Variants in SLC6A2 observed in about 807,000 individuals in gnomAD.
SLC6A2 encodes the protein sodium-dependent noradrenaline transporter.
SLC6A2 carries 26 observed loss-of-function variants against 71.7 expected under a neutral mutation model. The ratio of observed to expected loss-of-function variants is 0.36; its 90% CI spans 0.27 to 0.50. The LOEUF is 0.50. Ranked by LOEUF, SLC6A2 falls within the 20% of genes least tolerant of loss-of-function variation. The pLI is 0.96. For synonymous variants in SLC6A2, 363 were observed against 337.9 expected, an observed-to-expected ratio of 1.07 and a Z score of -0.82; for missense variants, 581 against 803.9, an observed-to-expected ratio of 0.72 and a Z score of 3.35.
In SLC6A2 at chr16:55,705,118, T is replaced by G; in HGVS notation, c.*2772T>G. The G allele has an allele frequency of 1.0e-6, 1 of 980,990 alleles. No individual in the cohort carries two copies. The highest frequency in any genetic ancestry group is 1.6e-6 in the Non-Finnish European group (1 of 643,318). The allele number at this position is 980,990 out of a possible 1,614,324, so 60.8% of individuals were successfully genotyped here. Reference sequence around the variant, plus strand: ...TTTTTTCAGGTTTTTAAAGAATTATTATTTTTCATGAAATGTAAAATATCA... The same window carrying G: ...TTTTTTCAGGTTTTTAAAGAATTATGATTTTTCATGAAATGTAAAATATCA... On this transcript the variant is annotated 3_prime_UTR_variant, in exon 15 of 15. Coordinates refer to ENST00000568943, the MANE Select transcript of SLC6A2 (RefSeq NM_001172501.3).
At chr16:55,661,742 A>G (rs1239336166) in intron 2 of SLC6A2, among the ~76,000 whole-genome samples, 1 of 152,166 alleles carries the variant, frequency 6.6e-6, no homozygotes, top group Non-Finnish European at 1.5e-5. Flanking sequence ...TAGATTCATC[A>G]CCTGGTAAAT....
At chr16:55,677,686 A>C (rs201818609) in intron 4 of SLC6A2, among the ~76,000 whole-genome samples, 3 of 84,388 alleles carry the variant, frequency 3.6e-5, no homozygotes, top group Non-Finnish European at 5.1e-5. Flanking sequence ...TGTTTGTTTT[A>C]AAAAAGACGG....
chr16:55,695,518 G>T (rs1965769904), intron 8 of SLC6A2, 116 bp downstream of exon 8: 3 of 1,178,756 alleles, frequency 2.5e-6, no homozygotes, highest in Non-Finnish European at 3.7e-6. Flanking sequence ...GTCCATGGAG[G>T]TGTCCAAACC....
At chr16:55,678,458 T>G in intron 4 of SLC6A2, among the ~76,000 whole-genome samples, 1 of 152,160 alleles carries the variant, frequency 6.6e-6, no homozygotes, top group South Asian at 2.1e-4. Flanking sequence ...GCCAACCTGC[T>G]GGCCAATTTT....
chr16:55,696,256 G>A lies in SLC6A2; in HGVS notation c.1179G>A (p.Glu393=), dbSNP rs201795389. 105 of 1,613,434 alleles carry A rather than the reference G, an allele frequency of 6.5e-5. No homozygotes were observed. The highest frequency in any genetic ancestry group is 2.8e-4 in the Admixed American group (17 of 60,014). ...GAGLVFILYP[E]AISTLSGSTF... ...GCCTAGTGTTCATCCTGTATCCAGA[G>A]GCCATTTCTACCCTGTCTGGATCTA... Residue 393 remains glutamate, a synonymous_variant, in exon 9 of 15, where the codon GAG becomes GAA. Coordinates refer to ENST00000568943, the MANE Select transcript of SLC6A2 (RefSeq NM_001172501.3).
At chr16:55,680,993 A>T (rs1012876377) in intron 4 of SLC6A2, among the ~76,000 whole-genome samples, 6 of 151,820 alleles carry the variant, frequency 4.0e-5, no homozygotes, top group African/African-American at 4.8e-5. Flanking sequence ...CCCTCTCCCC[A>T]TTGCTCCCTC....
Position 55,685,248 on chromosome 16 carries a change from T to C in SLC6A2, c.750T>C (p.Phe250=). 6.2e-7 allele frequency: 1 copy of C among 1,614,186 alleles called. No individual in the cohort carries two copies. The highest frequency in any genetic ancestry group is 8.5e-7 in the Non-Finnish European group (1 of 1,179,994). Residue 250 remains phenylalanine, a synonymous_variant, in exon 5 of 15, where the codon TTT becomes TTC. Transcript: ENST00000568943. ...CLMVVVIVLY[F]SLWKGVKTSG... is the part of the protein sequence containing the mutation. Reference sequence around the variant, plus strand: ...TGGTCGTCGTCATCGTCTTGTATTTTAGCCTCTGGAAAGGGGTGAAGACAT... The same window carrying C: ...TGGTCGTCGTCATCGTCTTGTATTTCAGCCTCTGGAAAGGGGTGAAGACAT...
intron 5 of SLC6A2, among the ~76,000 whole-genome samples, chr16:55,689,508 C>T (rs190228071): frequency 9.2e-5 from 14 of 152,350 alleles, no homozygotes; most frequent in Admixed American, 3.3e-4. Context: ...GGTCAAGATA[C>T]GGTTTTCTGA....
At chr16:55,698,390 G>GT (rs1188503416) in intron 10 of SLC6A2, 79 bp from the exon 11 acceptor site, 1 of 1,011,730 alleles carries the variant, frequency 9.9e-7, no homozygotes, top group Non-Finnish European at 1.6e-6. Flanking sequence ...CAGGGGGCAG[G>GT]TAAGAGTTGA....
At chr16:55,701,292 T>G (rs1309529117) in intron 13 of SLC6A2, among the ~76,000 whole-genome samples, 4 of 152,174 alleles carry the variant, frequency 2.6e-5, no homozygotes, top group Admixed American at 2.6e-4. Flanking sequence ...TCCGGGTCAC[T>G]GGGAGGATCA....
Position 55,698,585 on chromosome 16 carries a change from A to G in SLC6A2, c.1489+17A>G. On this transcript the variant is annotated intron_variant, in intron 11 of 14. Transcript: ENST00000568943. The stretch of plus-strand genomic sequence containing the variant: ...GGTTTTATGGTATGTGAGTGTGTGG[A>G]AAAGCCTCAGCTCCCAGTCCTCCTA... 2 of 1,558,402 alleles carry G rather than the reference A, an allele frequency of 1.3e-6. No individual in the cohort carries two copies. The highest frequency in any genetic ancestry group is 1.8e-6 in the Non-Finnish European group (2 of 1,129,096).
intron 2 of SLC6A2, among the ~76,000 whole-genome samples, chr16:55,657,442 TG>T (rs1596937298): frequency 6.6e-6 from 1 of 152,108 alleles, no homozygotes; most frequent in Non-Finnish European, 1.5e-5. Context: ...ACTCTGAGCC[TG>T]GGGGCAGGAA....
At chr16:55,675,032 T>A (rs1395131882) in intron 4 of SLC6A2, among the ~76,000 whole-genome samples, 1 of 152,220 alleles carries the variant, frequency 6.6e-6, no homozygotes, top group African/African-American at 2.4e-5. Context: ...TTTGATTTTT[T>A]AAATAATAGC....
At chr16:55,684,310 A>AC (rs1965375475) in intron 4 of SLC6A2, among the ~76,000 whole-genome samples, 1 of 151,300 alleles carries the variant, frequency 6.6e-6, no homozygotes. Context: ...CAAAAAAAAA[A>AC]AAAAAAACAA....
At chr16:55,660,869 G>A (rs984915526) in intron 2 of SLC6A2, among the ~76,000 whole-genome samples, 11 of 152,232 alleles carry the variant, frequency 7.2e-5, no homozygotes, top group African/African-American at 2.4e-4. Flanking sequence ...TGCTGGCCCA[G>A]AATGGAGGAT....
Position 55,703,614 on chromosome 16 carries a change from G to C in SLC6A2, c.*1268G>C, listed in dbSNP as rs1168410335. ...TGCCCTCTGGTGGTGTTTAGTTTTAGTTCCGTAAGAGAAATGATTCCTAGT... is the reference window on the plus strand; with the variant it reads ...TGCCCTCTGGTGGTGTTTAGTTTTACTTCCGTAAGAGAAATGATTCCTAGT... On this transcript the variant is annotated 3_prime_UTR_variant, in exon 15 of 15. Transcript: ENST00000568943. 2.0e-6 allele frequency: 2 copies of C among 985,280 alleles called. No individual in the cohort carries two copies. Among genetic ancestry groups the C allele is most frequent in the East Asian group, 2.3e-4 (2 of 8,812 alleles). 61.0% of individuals were successfully genotyped at this position (985,280 alleles called of 1,614,324 possible).
In SLC6A2 at chr16:55,656,509, G is replaced by T; in HGVS notation, c.-51-135G>T. The stretch of plus-strand genomic sequence containing the variant: ...GTTTCCAAATTTTTCCAGCGGACGC[G>T]CGCCCTTTTCTGGGAACCCTGCGTC... On this transcript the variant is annotated intron_variant, in intron 1 of 14. Coordinates refer to ENST00000568943, the MANE Select transcript of SLC6A2 (RefSeq NM_001172501.3). This position sits in a 1 kb window ranked among gnomAD's most constrained non-coding sequence, Gnocchi z 4.5. 1.4e-6 allele frequency: 1 copy of T among 700,578 alleles called. No homozygotes were observed. The allele number at this position is 700,578 out of a possible 1,614,324, so 43.4% of individuals were successfully genotyped here. A position where few individuals can be genotyped will look rare whatever the true frequency, so the allele number is the denominator to read the frequency against.
Position 55,657,023 on chromosome 16 carries a change from G to A in SLC6A2, c.274+55G>A. On this transcript the variant is annotated intron_variant, in intron 2 of 14. Transcript: ENST00000568943. Reference sequence around the variant, plus strand: ...ATCTGGGAGGTCCACTGTCTGCAGCGGTGGCTGGGACAGGAGCTGGAATAC... The same window carrying A: ...ATCTGGGAGGTCCACTGTCTGCAGCAGTGGCTGGGACAGGAGCTGGAATAC... 7 of 1,587,818 alleles carry A rather than the reference G, an allele frequency of 4.4e-6. No homozygotes were observed. In the South Asian group the frequency reaches 5.6e-5, roughly 13 times the overall value.
chr16:55,671,991 G>A lies in SLC6A2; in HGVS notation c.460G>A (p.Val154Ile). The A allele has an allele frequency of 6.2e-7, 1 of 1,614,090 alleles. No homozygotes were observed. The highest frequency in any genetic ancestry group is 8.5e-7 in the Non-Finnish European group (1 of 1,180,020). Residue 154 changes from valine (V) to isoleucine (I), a missense_variant, in exon 4 of 15, where the codon GTC (valine) becomes ATC (isoleucine). Coordinates refer to ENST00000568943, the MANE Select transcript of SLC6A2 (RefSeq NM_001172501.3). ...CCTGTACGTTGGCTTCTACTACAAC[G>A]TCATCATCGCCTGGTCACTCTACTA... ...IALYVGFYYN[V>I]IIAWSLYYLF...
Sources: allele counts gnomAD v4.1 joint callset (sites outside exome capture counted in the v4.1 genomes callset), GRCh38; gene constraint gnomAD v4.1.1; non-coding constraint Gnocchi (gnomAD v3.1); transcripts MANE v1.5; gene names NCBI Gene and HGNC (gene_info 2026-07-23, HGNC 2026-07-21).